The following PTK2B variants were observed in gnomAD, a reference collection of about 807,000 sequenced individuals.
The protein encoded by PTK2B is protein-tyrosine kinase 2-beta.
A neutral mutation model predicts 142.9 loss-of-function variants in PTK2B; 71 were observed. The observed-to-expected ratio is 0.50, with a 90% CI of 0.41 to 0.61. PTK2B has a LOEUF of 0.61. Among genes scored for constraint, PTK2B ranks in the 20% least tolerant of loss-of-function variants. PTK2B has a pLI of 0.00. For synonymous variants in PTK2B, 519 were observed against 503.4 expected (o/e 1.03, Z -0.42); for missense variants, 1,105 against 1,320.4 (o/e 0.84, Z 2.53).
At chr8:27,367,365 G>C (rs1806078797) in intron 1 of PTK2B, among the ~76,000 whole-genome samples, 1 of 152,188 alleles carries the variant, frequency 6.6e-6, no homozygotes, top group Admixed American at 6.5e-5. Flanking sequence ...AGTCCATCTG[G>C]ACTGGTCCTG....
intron 22 of PTK2B, among the ~76,000 whole-genome samples, chr8:27,443,387 G>A (rs1811279905): frequency 6.6e-6 from 1 of 152,222 alleles, no homozygotes; most frequent in Admixed American, 6.5e-5. Context: ...TTAGGTGGGT[G>A]GGTCTGAGAG....
intron 2 of PTK2B, among the ~76,000 whole-genome samples, chr8:27,401,003 G>C (rs1406300393): frequency 6.6e-6 from 1 of 150,498 alleles, no homozygotes; most frequent in African/African-American, 2.4e-5. Flanking sequence ...GCTGGGTATG[G>C]TGGTGTGCAC....
intron 24 of PTK2B, among the ~76,000 whole-genome samples, chr8:27,446,386 G>A (rs568905295): frequency 6.6e-6 from 1 of 152,272 alleles, no homozygotes; most frequent in African/African-American, 2.4e-5. Flanking sequence ...GCTGCTGCTG[G>A]GTGAGAAGGA....
chr8:27,379,743 G>A lies in PTK2B; in HGVS notation c.-37-17805G>A, dbSNP rs549130578. On this transcript the variant is annotated intron_variant, in intron 1 of 30. Transcript: ENST00000346049. ...CATCCAGGTGAGAACAGCATCGCAG[G>A]GAAAAATCTGTGCATTTTATTTTTG... Among the ~76,000 whole-genome samples the A allele has an allele frequency of 2.6e-5, 4 of 152,194 alleles. No homozygotes were observed. The South Asian group carries it at 8.3e-4, about 32-fold the overall frequency.
chr8:27,441,592 A>G (rs1811162574), intron 21 of PTK2B, among the ~76,000 whole-genome samples: 1 of 152,082 alleles, frequency 6.6e-6, no homozygotes, highest in Admixed American at 6.5e-5. Flanking sequence ...ACTGAGGGTG[A>G]CCCTGCATGT....
At chr8:27,367,175 CCA>C (rs1001490406) in intron 1 of PTK2B, among the ~76,000 whole-genome samples, 2 of 152,104 alleles carry the variant, frequency 1.3e-5, no homozygotes, top group African/African-American at 4.8e-5. Flanking sequence ...CGCACACATG[CCA>C]CACACACACT....
rs931176523 is a variant in PTK2B at position 27,417,066 on chromosome 8, C to G, written c.205-2829C>G. Among the ~76,000 whole-genome samples, 6 of 152,190 alleles carry G rather than the reference C, an allele frequency of 3.9e-5. 1 individual carries two copies. Among genetic ancestry groups the G allele is most frequent in the Admixed American group, 2.6e-4 (4 of 15,276 alleles). ...GTCAGACATACATCTATCTTTGATC[C>G]AGTAATTCCTCTTCTCAGCATTTAT... On this transcript the variant is annotated intron_variant, in intron 2 of 30. Coordinates refer to ENST00000346049, the MANE Select transcript of PTK2B (RefSeq NM_173176.3).
At chr8:27,311,251 C>A (rs1312658375), upstream of PTK2B, 2 of 1,489,014 alleles carry the variant, frequency 1.3e-6, no homozygotes, top group Admixed American at 2.4e-5. Flanking sequence ...GAGCAGCCGG[C>A]TCGGGCGCCC....
At chr8:27,336,822 G>A (rs1019699695) in intron 1 of PTK2B, among the ~76,000 whole-genome samples, 4 of 152,020 alleles carry the variant, frequency 2.6e-5, no homozygotes, top group Non-Finnish European at 1.5e-5. Flanking sequence ...TGATCCAAAA[G>A]GAGTTTATTT....
chr8:27,447,695 C>CT (rs1811553151), intron 24 of PTK2B, among the ~76,000 whole-genome samples: 2 of 152,082 alleles, frequency 1.3e-5, no homozygotes, highest in South Asian at 4.2e-4. Context: ...CCCATCTGTA[C>CT]TAAAAATACA....
At chr8:27,454,051 C>CGGGCTGGT (rs1428883839) in intron 28 of PTK2B, 103 bp from the exon 29 acceptor site, 2 of 1,464,326 alleles carry the variant, frequency 1.4e-6, no homozygotes, top group Non-Finnish European at 1.9e-6. Context: ...CCTTTCCAAT[C>CGGGCTGGT]GGGCTGGTGG....
chr8:27,395,001 G>T (rs139574531), intron 1 of PTK2B, among the ~76,000 whole-genome samples: 1 of 152,108 alleles, frequency 6.6e-6, no homozygotes, highest in East Asian at 1.9e-4. Flanking sequence ...CTGTCATCGC[G>T]TATGAGAGTA....
At chr8:27,442,842 G>T in intron 21 of PTK2B, 33 bp from the exon 22 acceptor site, 1 of 1,586,248 alleles carries the variant, frequency 6.3e-7, no homozygotes, top group Non-Finnish European at 8.7e-7. Context: ...CTTTGACCTA[G>T]TTTCTCTCCT....
intron 11 of PTK2B, 32 bp from the exon 12 acceptor site, chr8:27,434,061 C>G (rs1261333027): frequency 6.2e-7 from 1 of 1,613,112 alleles, no homozygotes; most frequent in South Asian, 1.1e-5. Context: ...GTGTCCCCAG[C>G]TCCAACCTCC....
chr8:27,332,845 T>C (rs1803841574), intron 1 of PTK2B, among the ~76,000 whole-genome samples: 1 of 152,150 alleles, frequency 6.6e-6, no homozygotes, highest in Admixed American at 6.5e-5. Context: ...TCCCAGAGTG[T>C]TGGGATCACA....
Position 27,437,483 on chromosome 8 carries a change from A to G in PTK2B, c.1514A>G (p.Tyr505Cys). Residue 505 changes from tyrosine (Y) to cysteine (C), a missense_variant, in exon 17 of 31, where the codon TAT (tyrosine) becomes TGT (cysteine). Tyr to Cys is a radical substitution (Grantham distance 194). Transcript: ENST00000346049. ...EEPTWIIMEL[Y>C]PYGELGHYLE... ...CCCACCTGGATCATCATGGAATTGT[A>G]TCCCTATGGGGAGGTGAGCTGGAGG... is the stretch of plus-strand genomic sequence containing the variant. 6.2e-7 allele frequency: 1 copy of G among 1,610,618 alleles called. No individual in the cohort carries two copies. The highest frequency in any genetic ancestry group is 8.5e-7 in the Non-Finnish European group (1 of 1,178,172).
chr8:27,414,590 TTC>T (rs557915838), intron 2 of PTK2B, among the ~76,000 whole-genome samples: 2 of 87,516 alleles, frequency 2.3e-5, no homozygotes, highest in African/African-American at 3.4e-5. Context: ...GAAGCTCAGT[TTC>T]TCTCTCTCTC....
At chr8:27,346,391 C>T (rs375096432) in intron 1 of PTK2B, among the ~76,000 whole-genome samples, 2 of 151,948 alleles carry the variant, frequency 1.3e-5, no homozygotes, top group East Asian at 1.9e-4. Context: ...ATACAAAATA[C>T]GAAAATTAGC....
intron 1 of PTK2B, among the ~76,000 whole-genome samples, chr8:27,345,278 C>G (rs1270065864): frequency 6.6e-6 from 1 of 152,244 alleles, no homozygotes; most frequent in African/African-American, 2.4e-5. Flanking sequence ...ATTATACCAC[C>G]CCAGCTTCCT....
Sources: gnomAD v4.1 joint callset for allele counts (sites outside exome capture counted in the v4.1 genomes callset) on GRCh38, gnomAD v4.1.1 for gene constraint, MANE v1.5 for transcripts, NCBI Gene and HGNC (gene_info 2026-07-23, HGNC 2026-07-21) for gene names.